Variants in ADAMTSL1 observed in about 807,000 individuals in gnomAD.
The protein encoded by ADAMTSL1 is ADAMTS like 1.
Under a neutral mutation model 201.8 loss-of-function variants are expected in ADAMTSL1, and 126 were observed. That is an observed-to-expected ratio of 0.62 (90% CI 0.54 to 0.72). ADAMTSL1 has a LOEUF of 0.72. ADAMTSL1 is among the 30% of genes least tolerant of loss of function. The probability of loss-of-function intolerance (pLI) is 0.00; values close to 1 mark genes in which losing one functional copy is unlikely to be tolerated. For synonymous variants in ADAMTSL1, 1,121 were observed against 903.4 expected (o/e 1.24, Z -4.32); for missense variants, 2,679 against 2,277.8 (o/e 1.18, Z -3.59).
At chr9:18,817,347 G>A in intron 21 of ADAMTSL1, 110 bp downstream of exon 21, 5 of 1,140,494 alleles carry the variant, frequency 4.4e-6, no homozygotes, top group Admixed American at 2.9e-5. Flanking sequence ...AGTGCTAGTA[G>A]GAAAGCCAAA....
chr9:18,070,466 A>G (rs995118612), intron 1 of ADAMTSL1, among the ~76,000 whole-genome samples: 12 of 152,224 alleles, frequency 7.9e-5, no homozygotes, highest in African/African-American at 2.7e-4. Flanking sequence ...AATTGAAGAA[A>G]TGAGAGAGAG....
At chr9:18,830,223 T>C (rs1468770543) in intron 23 of ADAMTSL1, among the ~76,000 whole-genome samples, 5 of 152,196 alleles carry the variant, frequency 3.3e-5, no homozygotes, top group African/African-American at 9.7e-5. Flanking sequence ...CTGAATCCTC[T>C]TGGGTTGATG....
At chr9:18,837,612 C>G (rs144525154) in intron 23 of ADAMTSL1, among the ~76,000 whole-genome samples, 41 of 152,336 alleles carry the variant, frequency 2.7e-4, no homozygotes, top group Admixed American at 2.3e-3. Context: ...GCCACCAATA[C>G]GCATTCTGCG....
At chr9:18,171,715 T>C (rs1827897809) in intron 2 of ADAMTSL1, among the ~76,000 whole-genome samples, 1 of 152,152 alleles carries the variant, frequency 6.6e-6, no homozygotes. Context: ...TGGCTTTTGT[T>C]GCCATTGCTT....
intron 4 of ADAMTSL1, among the ~76,000 whole-genome samples, chr9:18,576,467 T>TA (rs1363163835): frequency 6.6e-6 from 1 of 152,206 alleles, no homozygotes; most frequent in Non-Finnish European, 1.5e-5. Context: ...TCATATGCAC[T>TA]AATTTATTTC....
intron 2 of ADAMTSL1, among the ~76,000 whole-genome samples, chr9:18,200,553 T>G (rs1829397878): frequency 6.6e-6 from 1 of 152,086 alleles, no homozygotes; most frequent in Non-Finnish European, 1.5e-5. Context: ...TAACTTAAAG[T>G]TGCAAACATG....
At chr9:18,036,904 AG>A (rs1821223618) in intron 1 of ADAMTSL1, among the ~76,000 whole-genome samples, 1 of 152,180 alleles carries the variant, frequency 6.6e-6, no homozygotes, top group Non-Finnish European at 1.5e-5. Flanking sequence ...GGTTGCCTAG[AG>A]GAACACCCTA....
At chr9:18,313,715 A>C (rs56067157) in intron 2 of ADAMTSL1, among the ~76,000 whole-genome samples, 11,864 of 152,268 alleles carry the variant, frequency 0.078, 638 homozygotes, top group Non-Finnish European at 0.12. Flanking sequence ...GGACATGAGC[A>C]GTGTTCTAGG....
At chr9:18,522,234 C>G (rs1027318448) in intron 2 of ADAMTSL1, among the ~76,000 whole-genome samples, 17 of 152,068 alleles carry the variant, frequency 1.1e-4, no homozygotes, top group Non-Finnish European at 2.1e-4. Flanking sequence ...TAACCCATAC[C>G]TCAGCATCAT....
At chr9:18,172,906 A>T (rs1279286807) in intron 2 of ADAMTSL1, among the ~76,000 whole-genome samples, 1 of 152,112 alleles carries the variant, frequency 6.6e-6, no homozygotes, top group East Asian at 1.9e-4. Flanking sequence ...ATTAGATTTC[A>T]TTTAGAGAAA....
At chr9:18,517,567 C>T (rs189206602) in intron 2 of ADAMTSL1, among the ~76,000 whole-genome samples, 4 of 137,096 alleles carry the variant, frequency 2.9e-5, no homozygotes, top group Non-Finnish European at 6.3e-5. Context: ...ATCCCTCCCC[C>T]CTCCCCCCAC....
chr9:18,771,260 T>C (rs1484138733), intron 17 of ADAMTSL1, among the ~76,000 whole-genome samples: 2 of 152,252 alleles, frequency 1.3e-5, no homozygotes, highest in African/African-American at 4.8e-5. Context: ...AAATCCTGCC[T>C]GTTTACTGTT....
chr9:18,630,348 T>C (rs914474273), intron 5 of ADAMTSL1, among the ~76,000 whole-genome samples: 17 of 152,166 alleles, frequency 1.1e-4, no homozygotes, highest in African/African-American at 3.4e-4. Flanking sequence ...TTTTGTGTAG[T>C]TCTTTCCCCA....
At chr9:18,031,231 G>C (rs1360859343) in intron 1 of ADAMTSL1, among the ~76,000 whole-genome samples, 1 of 152,200 alleles carries the variant, frequency 6.6e-6, no homozygotes, top group Non-Finnish European at 1.5e-5. Context: ...TTTTTAAATT[G>C]CTAGAGTTCT....
At chr9:18,733,887 C>T (rs78997886) in intron 15 of ADAMTSL1, among the ~76,000 whole-genome samples, 1 of 151,700 alleles carries the variant, frequency 6.6e-6, no homozygotes, top group South Asian at 2.1e-4. Flanking sequence ...CTCTTTTTTT[C>T]TCACTCTCCA....
At chr9:18,177,310 T>C (rs116631980) in intron 2 of ADAMTSL1, among the ~76,000 whole-genome samples, 2,079 of 152,268 alleles carry the variant, frequency 0.014, 71 homozygotes, top group African/African-American at 0.048. Context: ...TCTGGTATAA[T>C]TGTTATTAAT....
At chr9:18,339,952 C>A (rs1228326198) in intron 2 of ADAMTSL1, among the ~76,000 whole-genome samples, 2 of 152,124 alleles carry the variant, frequency 1.3e-5, no homozygotes, top group African/African-American at 2.4e-5. Context: ...TGATCCTTTG[C>A]AAACTGGATT....
intron 20 of ADAMTSL1, among the ~76,000 whole-genome samples, chr9:18,813,239 C>T (rs1285358618): frequency 1.3e-5 from 2 of 152,206 alleles, no homozygotes; most frequent in East Asian, 1.9e-4. Flanking sequence ...GCTGGGATTA[C>T]AGGCATGAGC....
intron 2 of ADAMTSL1, among the ~76,000 whole-genome samples, chr9:18,243,913 CT>C (rs1193860851): frequency 1.3e-5 from 2 of 151,648 alleles, no homozygotes; most frequent in African/African-American, 4.8e-5. Flanking sequence ...GTCACGAATG[CT>C]TAGTCAAGTG....
Sources: gnomAD v4.1 joint callset for allele counts (sites outside exome capture counted in the v4.1 genomes callset) on GRCh38, gnomAD v4.1.1 for gene constraint, MANE v1.5 for transcripts, NCBI Gene and HGNC (gene_info 2026-07-23, HGNC 2026-07-21) for gene names.